MCPH1: variants seen among roughly 807,000 people sequenced by gnomAD.
MCPH1 encodes microcephalin 1.
In MCPH1, 104 loss-of-function variants were observed where a neutral mutation model predicts 84.5. The ratio of observed to expected loss-of-function variants is 1.23; its 90% confidence interval spans 1.05 to 1.45. MCPH1 has a LOEUF of 1.45. Ranked by LOEUF, MCPH1 falls within the 40% of genes most tolerant of loss-of-function variation. The pLI is 0.00. For synonymous variants in MCPH1, 514 were observed against 366.8 expected, an observed-to-expected ratio of 1.40 and a Z score of -4.58; for missense variants, 1,498 against 1,005.7, an observed-to-expected ratio of 1.49 and a Z score of -6.62.
intron 12 of MCPH1, among the ~76,000 whole-genome samples, chr8:6,541,125 G>T (rs896065673): frequency 6.6e-6 from 1 of 152,238 alleles, no homozygotes. Flanking sequence ...GGCAAGGCCT[G>T]TCTCTGAGAT....
chr8:6,524,043 A>G (rs1018087442), intron 12 of MCPH1, among the ~76,000 whole-genome samples: 1 of 152,196 alleles, frequency 6.6e-6, no homozygotes, highest in African/African-American at 2.4e-5. Context: ...AGGCCAGTAA[A>G]TAAAGCTTTC....
chr8:6,414,888 G>T lies in MCPH1; in HGVS notation c.233+5G>T, dbSNP rs750412749. ...TTCGGTGCTCTGGGTGGAAAAGTAAGCAGTTTCTCTCTTACTTTTTTTCCT... is the reference window on the plus strand; with the variant it reads ...TTCGGTGCTCTGGGTGGAAAAGTAATCAGTTTCTCTCTTACTTTTTTTCCT... On this transcript the variant is annotated splice_donor_5th_base_variant and intron_variant, in intron 3 of 13. Transcript: ENST00000344683. The T allele has an allele frequency of 1.2e-6, 2 of 1,612,958 alleles. No individual in the cohort carries two copies. The highest frequency in any genetic ancestry group is 1.7e-6 in the Non-Finnish European group (2 of 1,179,430).
intron 8 of MCPH1, 58 bp from the exon 9 acceptor site, chr8:6,455,085 T>G: frequency 3.8e-6 from 5 of 1,325,814 alleles, no homozygotes; most frequent in Non-Finnish European, 5.5e-6. Flanking sequence ...TTGTTTTGCT[T>G]AAGTTGTATT....
chr8:6,530,583 G>C (rs1336940920), intron 12 of MCPH1, among the ~76,000 whole-genome samples: 1 of 147,900 alleles, frequency 6.8e-6, no homozygotes, highest in Non-Finnish European at 1.5e-5. Context: ...ATTCGCTTTA[G>C]ATATATATTG....
intron 12 of MCPH1, among the ~76,000 whole-genome samples, chr8:6,573,078 A>T (rs1033492161): frequency 1.3e-5 from 2 of 152,256 alleles, no homozygotes; most frequent in Admixed American, 1.3e-4. Context: ...GTTAAAATAA[A>T]TTAACAATAA....
chr8:6,599,224 G>A (rs1442243240), intron 12 of MCPH1, among the ~76,000 whole-genome samples: 1 of 152,116 alleles, frequency 6.6e-6, no homozygotes, highest in Non-Finnish European at 1.5e-5. Context: ...GCCTTCCTCC[G>A]CGGACCGGAA....
intron 13 of MCPH1, among the ~76,000 whole-genome samples, chr8:6,630,599 C>G (rs1287108672): frequency 6.6e-6 from 1 of 151,960 alleles, no homozygotes; most frequent in East Asian, 1.9e-4. Flanking sequence ...CTGACCAACA[C>G]GGTGAAACCC....
At chr8:6,619,320 C>T (rs1586825074) in intron 12 of MCPH1, 1 of 152,428 alleles carries the variant, frequency 6.6e-6, no homozygotes, top group African/African-American at 2.4e-5. Context: ...AGACAGAGTC[C>T]TGCTGTGTCG....
chr8:6,562,591 G>GCTGCC (rs2129575916), intron 12 of MCPH1: 1 of 180,030 alleles, frequency 5.6e-6, no homozygotes, highest in South Asian at 8.8e-5. Flanking sequence ...AACCTGAGCT[G>GCTGCC]CTGCCAAGCT....
intron 2 of MCPH1, among the ~76,000 whole-genome samples, chr8:6,412,511 G>C (rs568406421): frequency 2.6e-5 from 4 of 152,182 alleles, no homozygotes; most frequent in Non-Finnish European, 4.4e-5. Context: ...CCAATTTCAG[G>C]ATTTGAGATG....
intron 12 of MCPH1, among the ~76,000 whole-genome samples, chr8:6,617,945 T>TCTATCTATCTATCTTTCTA (rs1563197129): frequency 6.9e-5 from 2 of 28,818 alleles, no homozygotes; most frequent in Non-Finnish European, 1.7e-4. Flanking sequence ...CTATCTATCT[T>TCTATCTATCTATCTTTCTA]TCTATCTATC....
intron 11 of MCPH1, among the ~76,000 whole-genome samples, chr8:6,481,095 G>A (rs1195812635): frequency 6.6e-5 from 10 of 152,206 alleles, no homozygotes; most frequent in Non-Finnish European, 7.4e-5. Flanking sequence ...GACGGGGAGG[G>A]TAGAGAGCAG....
chr8:6,436,267 A>T (rs2916757), intron 5 of MCPH1, 105 bp downstream of exon 5: 14 of 1,228,174 alleles, frequency 1.1e-5, no homozygotes, highest in Non-Finnish European at 9.1e-6. Flanking sequence ...GATGAAGACT[A>T]TGATAGCTTT....
chr8:6,474,260 A>G, intron 9 of MCPH1: 1 of 567,092 alleles, frequency 1.8e-6, no homozygotes, highest in Non-Finnish European at 3.2e-6. Flanking sequence ...TAAATCACCC[A>G]CATTAATGTA....
At chr8:6,575,803 C>T (rs534607421) in intron 12 of MCPH1, among the ~76,000 whole-genome samples, 1 of 152,080 alleles carries the variant, frequency 6.6e-6, no homozygotes. Context: ...CTCGTGACAA[C>T]GCAGGTAGGG....
At chr8:6,418,196 T>C (rs1474468330) in intron 3 of MCPH1, among the ~76,000 whole-genome samples, 4 of 152,098 alleles carry the variant, frequency 2.6e-5, no homozygotes, top group African/African-American at 9.7e-5. Flanking sequence ...CCTGGTCTCT[T>C]CAGCGAGAAA....
At chr8:6,442,900 G>A (rs956719150) in intron 7 of MCPH1, among the ~76,000 whole-genome samples, 22 of 152,182 alleles carry the variant, frequency 1.4e-4, no homozygotes, top group African/African-American at 4.3e-4. Flanking sequence ...TCCTTTCAGC[G>A]CAGGGTTAAT....
At chr8:6,489,649 C>G (rs555979659) in intron 11 of MCPH1, among the ~76,000 whole-genome samples, 1 of 152,122 alleles carries the variant, frequency 6.6e-6, no homozygotes, top group Non-Finnish European at 1.5e-5. Context: ...TATGTTATTC[C>G]TAGACATAAT....
chr8:6,499,272 C>G (rs1811698139), intron 11 of MCPH1, among the ~76,000 whole-genome samples: 1 of 151,942 alleles, frequency 6.6e-6, no homozygotes, highest in East Asian at 1.9e-4. Flanking sequence ...TGTGGGGATT[C>G]AAATACTAAG....
Sources: allele counts gnomAD v4.1 joint callset (sites outside exome capture counted in the v4.1 genomes callset), GRCh38; gene constraint gnomAD v4.1.1; transcripts MANE v1.5; gene names NCBI Gene and HGNC (gene_info 2026-07-23, HGNC 2026-07-21).